PRKCB: variants seen among roughly 807,000 people sequenced by gnomAD.
The protein encoded by PRKCB is protein kinase C beta.
PRKCB carries 13 observed loss-of-function variants against 81.5 expected under a neutral mutation model. The observed-to-expected ratio is 0.16, with a 90% confidence interval of 0.10 to 0.25. The LOEUF is 0.25. Among genes scored for constraint, PRKCB ranks in the 10% least tolerant of loss-of-function variants. The pLI, the probability that PRKCB is intolerant of heterozygous loss-of-function variation, is 1.00. For synonymous variants in PRKCB, 335 were observed against 321.4 expected (o/e 1.04, Z -0.45); for missense variants, 509 against 875.7 (o/e 0.58, Z 5.29).
chr16:23,963,354 A>G (rs988769831), intron 2 of PRKCB: 2 of 152,334 alleles, frequency 1.3e-5, no homozygotes, highest in South Asian at 2.1e-4. Flanking sequence ...ATCAGTGCCA[A>G]TGATCATTTA....
rs77257877 is a variant in PRKCB, at chr16:23,943,169, G to A, written c.206-45339G>A. ...AAACTCAGTCAAACTCTGAAGCTTC[G>A]GAGTGTTCTCCACTATAAAAGGAGA... is the stretch of plus-strand genomic sequence containing the variant. On this transcript the variant is annotated intron_variant, in intron 2 of 16. Coordinates refer to ENST00000643927, the MANE Select transcript of PRKCB (RefSeq NM_002738.7). Among the ~76,000 whole-genome samples the A allele has an allele frequency of 6.6e-5, 10 of 152,234 alleles. No individual in the cohort carries two copies. In the East Asian group the frequency reaches 1.7e-3, roughly 26 times the overall value.
chr16:24,054,683 T>G (rs1002771089), intron 5 of PRKCB, among the ~76,000 whole-genome samples: 6 of 152,340 alleles, frequency 3.9e-5, no homozygotes, highest in Middle Eastern at 3.4e-3. Context: ...AAAGGTTCTT[T>G]TCTGTGGGAA....
chr16:24,005,513 G>A (rs937258989), intron 3 of PRKCB, among the ~76,000 whole-genome samples: 9 of 152,272 alleles, frequency 5.9e-5, no homozygotes, highest in South Asian at 2.1e-4. Context: ...CTTGAGTGGC[G>A]GTTCCGGCGT....
intron 2 of PRKCB, among the ~76,000 whole-genome samples, chr16:23,938,246 TATC>T (rs1272364431): frequency 6.6e-6 from 1 of 152,242 alleles, no homozygotes; most frequent in African/African-American, 2.4e-5. Flanking sequence ...AGGGAAATGT[TATC>T]ATCTACATAT....
chr16:24,179,030 T>C (rs553613029), intron 12 of PRKCB, among the ~76,000 whole-genome samples: 1 of 152,328 alleles, frequency 6.6e-6, no homozygotes, highest in African/African-American at 2.4e-5. Context: ...AGATTGCTTC[T>C]TTTCATCTGG....
intron 2 of PRKCB, among the ~76,000 whole-genome samples, chr16:23,886,762 G>T (rs541380985): frequency 6.6e-6 from 1 of 152,064 alleles, no homozygotes; most frequent in Non-Finnish European, 1.5e-5. Flanking sequence ...CTCAGTATGG[G>T]CCTATCATCA....
intron 3 of PRKCB, among the ~76,000 whole-genome samples, chr16:23,999,439 A>G (rs1965003590): frequency 6.6e-6 from 1 of 152,204 alleles, no homozygotes. Context: ...CATTGAGGCA[A>G]TTTTATGAAC....
chr16:24,195,680 T>C (rs2141983045), intron 16 of PRKCB, among the ~76,000 whole-genome samples: 1 of 152,028 alleles, frequency 6.6e-6, no homozygotes, highest in East Asian at 1.9e-4. Flanking sequence ...GGAACAAGAG[T>C]CATTTCTTTT....
chr16:24,169,464 C>T (rs1967405202), intron 10 of PRKCB, among the ~76,000 whole-genome samples: 1 of 152,132 alleles, frequency 6.6e-6, no homozygotes, highest in Non-Finnish European at 1.5e-5. Flanking sequence ...CCACCCTGGG[C>T]TCATCTCCTA....
intron 16 of PRKCB, among the ~76,000 whole-genome samples, chr16:24,210,622 C>T (rs1968125116): frequency 6.6e-6 from 1 of 151,946 alleles, no homozygotes; most frequent in South Asian, 2.1e-4. Flanking sequence ...CCACAGTCCT[C>T]CTGAGTAGCT....
chr16:24,204,433 T>G (rs1968011970), intron 16 of PRKCB, among the ~76,000 whole-genome samples: 1 of 152,176 alleles, frequency 6.6e-6, no homozygotes, highest in Non-Finnish European at 1.5e-5. Flanking sequence ...AACTGTTAAC[T>G]CTTAAAATTA....
At chr16:24,042,744 T>A (rs987480796) in intron 5 of PRKCB, among the ~76,000 whole-genome samples, 6 of 10,784 alleles carry the variant, frequency 5.6e-4, no homozygotes, top group East Asian at 2.5e-3. Context: ...ACATACAAAA[T>A]TTTTTTTTTT....
rs1964830141 is a variant in PRKCB at position 23,988,515 on chromosome 16, C to T, written c.213C>T (p.Cys71=). The T allele has an allele frequency of 6.2e-7, 1 of 1,614,022 alleles. No individual in the cohort carries two copies. Among genetic ancestry groups the T allele is most frequent in the South Asian group, 1.1e-5 (1 of 91,084 alleles). Residue 71 remains cysteine (C), a synonymous_variant, in exon 3 of 17, where the codon TGC becomes TGT. Coordinates refer to ENST00000643927, the MANE Select transcript of PRKCB (RefSeq NM_002738.7). ...TGATTTTCTCTTTTGCAGTTTGCTGCTTTGTGGTGCACAAGCGGTGCCATG... is the reference window on the plus strand; with the variant it reads ...TGATTTTCTCTTTTGCAGTTTGCTGTTTTGTGGTGCACAAGCGGTGCCATG... ...GKQGFQCQVC[C]FVVHKRCHEF...
At chr16:24,002,340 TGC>T (rs1413861312) in intron 3 of PRKCB, among the ~76,000 whole-genome samples, 2 of 151,518 alleles carry the variant, frequency 1.3e-5, no homozygotes, top group Non-Finnish European at 2.9e-5. Context: ...TGTGTGTGTG[TGC>T]GTGCGTGCGT....
chr16:24,015,461 C>A (rs940629482), intron 3 of PRKCB, among the ~76,000 whole-genome samples: 3 of 152,112 alleles, frequency 2.0e-5, no homozygotes, highest in African/African-American at 7.2e-5. Flanking sequence ...GAACAGGTCA[C>A]GGGGGTTGAG....
intron 5 of PRKCB, among the ~76,000 whole-genome samples, chr16:24,037,485 C>T (rs1211217822): frequency 6.6e-6 from 1 of 152,192 alleles, no homozygotes; most frequent in Non-Finnish European, 1.5e-5. Context: ...GTTAAGTTAT[C>T]ATTCTACCCA....
chr16:23,978,780 T>C (rs1964657283), intron 2 of PRKCB, among the ~76,000 whole-genome samples: 1 of 152,232 alleles, frequency 6.6e-6, no homozygotes, highest in South Asian at 2.1e-4. Context: ...AAATTTCTTA[T>C]ATCTGTACTA....
intron 10 of PRKCB, among the ~76,000 whole-genome samples, chr16:24,165,784 GTTTTT>G (rs551489675): frequency 5.4e-5 from 8 of 148,358 alleles, no homozygotes; most frequent in Admixed American, 5.4e-4. Context: ...TTGTGTTTAA[GTTTTT>G]TTTAAGTGAG....
intron 2 of PRKCB, among the ~76,000 whole-genome samples, chr16:23,888,535 A>T (rs949056254): frequency 6.6e-6 from 1 of 152,154 alleles, no homozygotes; most frequent in African/African-American, 2.4e-5. Context: ...GTGCTTGGTA[A>T]CCATTTCTTT....
Sources: gnomAD v4.1 joint callset for allele counts (sites outside exome capture counted in the v4.1 genomes callset) on GRCh38, gnomAD v4.1.1 for gene constraint, MANE v1.5 for transcripts, NCBI Gene and HGNC (gene_info 2026-07-23, HGNC 2026-07-21) for gene names.